Variants in DLG2 observed in about 807,000 individuals in gnomAD.
DLG2 encodes the protein discs large MAGUK scaffold protein 2, also known as disks large homolog 2.
In DLG2, 45 loss-of-function variants were observed where a neutral mutation model predicts 132.5. The observed-to-expected ratio is 0.34, with a 90% CI of 0.27 to 0.44. The LOEUF is 0.44. Among genes scored for constraint, DLG2 ranks in the 20% least tolerant of loss-of-function variants. The pLI is 1.00. For missense variants in DLG2, 1,045 were observed against 1,196.9 expected (o/e 0.87, Z 1.87); for synonymous variants, 424 against 419.6 (o/e 1.01, Z -0.13).
At chr11:85,421,562 TA>T (rs2090312947) in intron 3 of DLG2, among the ~76,000 whole-genome samples, 1 of 151,966 alleles carries the variant, frequency 6.6e-6, no homozygotes, top group Non-Finnish European at 1.5e-5. Context: ...CCTTATGTGT[TA>T]GGTGGGTCTC....
intron 3 of DLG2, among the ~76,000 whole-genome samples, chr11:85,354,299 GTATT>G (rs1315518961): frequency 7.2e-5 from 11 of 152,032 alleles, no homozygotes; most frequent in Admixed American, 2.6e-4. Context: ...AATGATTTAA[GTATT>G]TATTGTCTCC....
Position 84,646,349 on chromosome 11 carries a change from C to A in DLG2, c.358-111618G>T, listed in dbSNP as rs113995713. Among the ~76,000 whole-genome samples the A allele has an allele frequency of 2.3e-3, 350 of 152,270 alleles. 3 individuals are homozygous for A. Among genetic ancestry groups the A allele is most frequent in the African/African-American group, 7.7e-3 (320 of 41,566 alleles). On this transcript the variant is annotated intron_variant, in intron 6 of 27. Transcript: ENST00000376104. ...GAAGGACTTTTCGAAGAATTTGAAT[C>A]AGGTACAAAATAAAAGATGCCAGTT...
intron 6 of DLG2, among the ~76,000 whole-genome samples, chr11:84,955,085 A>G (rs1033799620): frequency 6.6e-6 from 1 of 152,206 alleles, no homozygotes; most frequent in East Asian, 1.9e-4. Context: ...GTTTACAAAA[A>G]CAAATGGCAA....
chr11:84,404,188 G>A (rs183413131), intron 7 of DLG2, among the ~76,000 whole-genome samples: 13 of 151,872 alleles, frequency 8.6e-5, no homozygotes, highest in Middle Eastern at 3.4e-3. Flanking sequence ...TTGGTATGCC[G>A]CTCTCATCTA....
chr11:84,464,451 T>C (rs2099088730), intron 7 of DLG2, among the ~76,000 whole-genome samples: 1 of 151,210 alleles, frequency 6.6e-6, no homozygotes, highest in Non-Finnish European at 1.5e-5. Context: ...AGAGAATTAA[T>C]ATCCCTATAT....
chr11:83,758,527 T>A (rs576744136), intron 18 of DLG2, among the ~76,000 whole-genome samples: 4 of 152,304 alleles, frequency 2.6e-5, no homozygotes, highest in African/African-American at 9.6e-5. Context: ...ATATATGAGT[T>A]GTATGTGAAA....
intron 4 of DLG2, among the ~76,000 whole-genome samples, chr11:85,219,835 A>C (rs912325888): frequency 1.3e-5 from 2 of 151,452 alleles, no homozygotes; most frequent in South Asian, 2.1e-4. Context: ...CACCTAGTAC[A>C]CTGTGTTTCA....
intron 3 of DLG2, among the ~76,000 whole-genome samples, chr11:85,378,721 A>G (rs2085632849): frequency 6.6e-6 from 1 of 152,188 alleles, no homozygotes; most frequent in African/African-American, 2.4e-5. Context: ...TTGTAGGCAG[A>G]TCAATATTTA....
In DLG2 at chr11:85,516,285, G is replaced by A. The variant is rs563699873; in HGVS notation, c.40+82372C>T. On this transcript the variant is annotated intron_variant, in intron 3 of 27. Coordinates refer to ENST00000376104, the MANE Select transcript of DLG2 (RefSeq NM_001142699.3). ...GAGACACAATACACCAAAACCTCTGGGATATAGGAAAAGACTAAGAGGGAA... is the reference window on the plus strand; with the variant it reads ...GAGACACAATACACCAAAACCTCTGAGATATAGGAAAAGACTAAGAGGGAA... Among the ~76,000 whole-genome samples, 16 of 151,926 alleles carry A rather than the reference G, an allele frequency of 1.1e-4. No homozygotes were observed. In the South Asian group the frequency reaches 3.3e-3, roughly 32 times the overall value.
chr11:85,154,909 TATTC>T (rs1429134056), intron 4 of DLG2, among the ~76,000 whole-genome samples: 1 of 152,196 alleles, frequency 6.6e-6, no homozygotes, highest in Non-Finnish European at 1.5e-5. Flanking sequence ...GAACATGGGC[TATTC>T]AAAAGTAAAT....
chr11:84,262,686 C>T (rs1479168564), intron 7 of DLG2, among the ~76,000 whole-genome samples: 1 of 152,108 alleles, frequency 6.6e-6, no homozygotes, highest in Admixed American at 6.5e-5. Flanking sequence ...CCCTTTCACT[C>T]TTCCCCTCAA....
At chr11:83,555,722 G>C (rs995990356) in intron 19 of DLG2, among the ~76,000 whole-genome samples, 7 of 152,290 alleles carry the variant, frequency 4.6e-5, no homozygotes, top group South Asian at 2.1e-4. Flanking sequence ...CAACTGCAGA[G>C]CATACCTCAG....
intron 4 of DLG2, among the ~76,000 whole-genome samples, chr11:85,160,532 G>A (rs550410531): frequency 3.9e-5 from 6 of 152,304 alleles, no homozygotes; most frequent in African/African-American, 1.4e-4. Context: ...AAGTTGCCAT[G>A]AGACCTGAAC....
chr11:84,637,373 T>C (rs1594516979), intron 6 of DLG2, among the ~76,000 whole-genome samples: 1 of 152,350 alleles, frequency 6.6e-6, no homozygotes, highest in East Asian at 1.9e-4. Flanking sequence ...AATGTTTAAT[T>C]ACCTAGCTCT....
intron 6 of DLG2, among the ~76,000 whole-genome samples, chr11:84,693,385 T>C (rs1350880066): frequency 6.6e-6 from 1 of 151,772 alleles, no homozygotes; most frequent in Non-Finnish European, 1.5e-5. Context: ...TCCTGAAGTG[T>C]TGTCATGTAA....
intron 6 of DLG2, among the ~76,000 whole-genome samples, chr11:85,028,695 G>A (rs182630470): frequency 7.7e-4 from 117 of 152,320 alleles, no homozygotes; most frequent in Non-Finnish European, 1.0e-3. Flanking sequence ...AACAGGGAGA[G>A]GCCAGACAGT....
chr11:84,341,376 G>A (rs564965158), intron 7 of DLG2, among the ~76,000 whole-genome samples: 3 of 152,226 alleles, frequency 2.0e-5, no homozygotes, highest in Admixed American at 6.5e-5. Context: ...TGGTGGAAAT[G>A]GCAAGGTAAT....
chr11:84,143,171 A>T (rs2094928478), intron 9 of DLG2, among the ~76,000 whole-genome samples: 1 of 98,348 alleles, frequency 1.0e-5, no homozygotes, highest in Non-Finnish European at 2.6e-5. Context: ...TATGATGCTC[A>T]TTTTTTAGTC....
In DLG2 at chr11:84,127,492, C is replaced by T. The variant is rs140489936; in HGVS notation, c.625-28445G>A. On this transcript the variant is annotated intron_variant, in intron 9 of 27. Coordinates refer to ENST00000376104, the MANE Select transcript of DLG2 (RefSeq NM_001142699.3). Reference sequence around the variant, plus strand: ...TGGCAAGGTTGATTCCTTGTGAGGGCTATGAGAAATGATCTGTTCCATGTC... The same window carrying T: ...TGGCAAGGTTGATTCCTTGTGAGGGTTATGAGAAATGATCTGTTCCATGTC... Among the ~76,000 whole-genome samples, 87 of 152,296 alleles carry T rather than the reference C, an allele frequency of 5.7e-4. 1 individual carries two copies. The highest frequency in any genetic ancestry group is 1.9e-3 in the African/African-American group (79 of 41,570).
Sources: allele counts gnomAD v4.1 joint callset (sites outside exome capture counted in the v4.1 genomes callset), GRCh38; gene constraint gnomAD v4.1.1; transcripts MANE v1.5; gene names NCBI Gene and HGNC (gene_info 2026-07-23, HGNC 2026-07-21).